The following STAC variants were observed in gnomAD, a reference collection of about 807,000 sequenced individuals.
The protein encoded by STAC is SH3 and cysteine rich domain.
Under a neutral mutation model 48.8 loss-of-function variants are expected in STAC, and 43 were observed. The ratio of observed to expected loss-of-function variants is 0.88; its 90% CI spans 0.69 to 1.14. The LOEUF (loss-of-function observed/expected upper bound fraction) is 1.14. Ranked by LOEUF, STAC falls within the 50% of genes most tolerant of loss-of-function variation. The pLI is 0.00. For missense variants in STAC, 497 were observed against 504.0 expected, an observed-to-expected ratio of 0.99 and a Z score of 0.13; for synonymous variants, 193 against 179.5, an observed-to-expected ratio of 1.07 and a Z score of -0.60.
At chr3:36,425,047 T>G (rs1700531894) in intron 1 of STAC, among the ~76,000 whole-genome samples, 1 of 152,138 alleles carries the variant, frequency 6.6e-6, no homozygotes, top group Non-Finnish European at 1.5e-5. Flanking sequence ...ATATGATAAG[T>G]ACAGGATATT....
intron 10 of STAC, among the ~76,000 whole-genome samples, chr3:36,534,523 C>T (rs902530675): frequency 2.0e-5 from 3 of 151,988 alleles, no homozygotes; most frequent in African/African-American, 7.2e-5. Context: ...ATGCAATGCA[C>T]ATCTTTGATT....
intron 2 of STAC, among the ~76,000 whole-genome samples, chr3:36,459,585 AC>A (rs1696947444): frequency 6.6e-6 from 1 of 152,102 alleles, no homozygotes; most frequent in African/African-American, 2.4e-5. Flanking sequence ...CTTTTAATGA[AC>A]TCCTCATTTA....
chr3:36,521,130 G>C (rs1698793508), intron 8 of STAC, among the ~76,000 whole-genome samples: 1 of 151,782 alleles, frequency 6.6e-6, no homozygotes, highest in African/African-American at 2.4e-5. Context: ...CTTCAGCTTG[G>C]TTTTTCAAGG....
intron 5 of STAC, among the ~76,000 whole-genome samples, chr3:36,488,734 G>C (rs1250983497): frequency 6.6e-6 from 1 of 152,110 alleles, no homozygotes; most frequent in Non-Finnish European, 1.5e-5. Flanking sequence ...ACCAGTACTA[G>C]AGGTTTGAAC....
chr3:36,431,690 A>G (rs921236870), intron 1 of STAC, among the ~76,000 whole-genome samples: 1 of 152,148 alleles, frequency 6.6e-6, no homozygotes, highest in Non-Finnish European at 1.5e-5. Context: ...AAAAAGGGAG[A>G]GAGGTTTATA....
chr3:36,428,597 G>A (rs564367294), intron 1 of STAC, among the ~76,000 whole-genome samples: 166 of 152,260 alleles, frequency 1.1e-3, no homozygotes, highest in Non-Finnish European at 1.4e-3. Flanking sequence ...GGGAAGTCTC[G>A]TGTGAATGAC....
intron 2 of STAC, among the ~76,000 whole-genome samples, chr3:36,455,100 T>G (rs903282047): frequency 2.0e-5 from 3 of 152,188 alleles, no homozygotes; most frequent in Non-Finnish European, 4.4e-5. Context: ...TTTAAGGTGG[T>G]CTTTTGTTAT....
In STAC at chr3:36,540,582, T is replaced by C. The variant is rs553676946; in HGVS notation, c.1111-5609T>C. On this transcript the variant is annotated intron_variant, in intron 10 of 10. Transcript: ENST00000273183. ...AGTATGAGAAAGACTCAGCCTACCA[T>C]TAATGGATGTGAAGATGGAGAAAGG... Among the ~76,000 whole-genome samples the C allele has an allele frequency of 2.0e-5, 3 of 152,228 alleles. No homozygotes were observed. The South Asian group carries it at 6.2e-4, about 32-fold the overall frequency.
intron 1 of STAC, among the ~76,000 whole-genome samples, chr3:36,416,268 C>G (rs1008857542): frequency 3.9e-5 from 6 of 152,116 alleles, no homozygotes; most frequent in African/African-American, 1.4e-4. Flanking sequence ...CCCAGGACTT[C>G]AAGACCAGCC....
intron 2 of STAC, among the ~76,000 whole-genome samples, chr3:36,452,187 AT>A (rs541333913): frequency 1.6e-3 from 238 of 152,164 alleles, no homozygotes; most frequent in African/African-American, 5.4e-3. Context: ...GTGAGATTTT[AT>A]TTTTTGCTTC....
At chr3:36,407,340 G>A (rs946100137) in intron 1 of STAC, among the ~76,000 whole-genome samples, 1 of 152,176 alleles carries the variant, frequency 6.6e-6, no homozygotes, top group Non-Finnish European at 1.5e-5. Context: ...GCGTAAATAT[G>A]ACAGACAATC....
At chr3:36,392,235 T>C (rs553771662) in intron 1 of STAC, among the ~76,000 whole-genome samples, 62 of 152,338 alleles carry the variant, frequency 4.1e-4, no homozygotes, top group African/African-American at 1.5e-3. Flanking sequence ...TACAGGTCGA[T>C]ACCCTCCACT....
intron 8 of STAC, among the ~76,000 whole-genome samples, chr3:36,521,700 A>G (rs1341305161): frequency 6.6e-6 from 1 of 152,230 alleles, no homozygotes; most frequent in Non-Finnish European, 1.5e-5. Flanking sequence ...GTAAAAGGCA[A>G]TGATTAGAAT....
chr3:36,417,739 G>A (rs937260737), intron 1 of STAC, among the ~76,000 whole-genome samples: 1 of 152,116 alleles, frequency 6.6e-6, no homozygotes. Flanking sequence ...AGATGAATTG[G>A]ATCTATGCTA....
chr3:36,419,586 A>G (rs1199035487), intron 1 of STAC, among the ~76,000 whole-genome samples: 1 of 152,204 alleles, frequency 6.6e-6, no homozygotes, highest in Admixed American at 6.5e-5. Flanking sequence ...ATAAGGGGGC[A>G]GCACATGATT....
intron 1 of STAC, among the ~76,000 whole-genome samples, chr3:36,381,222 C>G (rs1360938600): frequency 6.6e-6 from 1 of 152,160 alleles, no homozygotes; most frequent in East Asian, 1.9e-4. Flanking sequence ...CCTTCAGATA[C>G]TACTCACTAA....
chr3:36,514,755 C>T (rs1698628920), intron 8 of STAC, among the ~76,000 whole-genome samples: 1 of 152,106 alleles, frequency 6.6e-6, no homozygotes, highest in Non-Finnish European at 1.5e-5. Flanking sequence ...AAACTGTAGG[C>T]CGGGCGCAGT....
intron 1 of STAC, among the ~76,000 whole-genome samples, chr3:36,404,390 A>G (rs927231857): frequency 6.6e-6 from 1 of 152,208 alleles, no homozygotes; most frequent in Admixed American, 6.5e-5. Flanking sequence ...ATCATAATGA[A>G]ACCTATTTCA....
intron 2 of STAC, among the ~76,000 whole-genome samples, chr3:36,475,735 A>G (rs1479577734): frequency 2.0e-5 from 3 of 152,240 alleles, no homozygotes; most frequent in Admixed American, 6.5e-5. Context: ...AAAGGTCAAG[A>G]GGCACAGCTA....
Sources: gnomAD v4.1 joint callset for allele counts (sites outside exome capture counted in the v4.1 genomes callset) on GRCh38, gnomAD v4.1.1 for gene constraint, MANE v1.5 for transcripts, NCBI Gene and HGNC (gene_info 2026-07-23, HGNC 2026-07-21) for gene names.